The following TMED3 variants were observed in gnomAD, a reference collection of about 807,000 sequenced individuals.
TMED3 encodes the protein transmembrane p24 trafficking protein 3, also known as transmembrane emp24 domain-containing protein 3.
Under a neutral mutation model 15.0 loss-of-function variants are expected in TMED3, and 9 were observed. That is an observed-to-expected ratio of 0.60 (90% CI 0.36 to 1.04). TMED3 has a LOEUF of 1.04. TMED3 is among the 50% of genes least tolerant of loss of function. TMED3 has a pLI of 0.01. For missense variants in TMED3, 267 were observed against 278.9 expected, an observed-to-expected ratio of 0.96 and a Z score of 0.30; for synonymous variants, 117 against 121.4, an observed-to-expected ratio of 0.96 and a Z score of 0.24.
At position 79,353,497 on chromosome 15, in the gene TMED3, A is replaced by G. The variant is rs1042778205; in HGVS notation, c.417+39492A>G. ...AAAAAAGGTCCCAATGACTATGGCA[A>G]CAAAATTTTATATATTTTCCCACTA... On this transcript the variant is annotated intron_variant, in intron 2 of 2. Transcript: ENST00000424155. Among the ~76,000 whole-genome samples the G allele has an allele frequency of 4.9e-3, 226 of 46,592 alleles. 1 individual carries two copies. The highest frequency in any genetic ancestry group is 0.021 in the African/African-American group (214 of 10,060). 30.6% of individuals were successfully genotyped at this position (46,592 alleles called of 152,430 possible). A position where few individuals can be genotyped will look rare whatever the true frequency, so the allele number is the denominator to read the frequency against.
At chr15:79,347,443 A>G (rs2058875093) in intron 2 of TMED3, among the ~76,000 whole-genome samples, 1 of 152,186 alleles carries the variant, frequency 6.6e-6, no homozygotes, top group Admixed American at 6.6e-5. Flanking sequence ...TGGGCAGAAG[A>G]TGGAAGGATT....
At chr15:79,359,237 T>TG (rs997607997) in intron 2 of TMED3, among the ~76,000 whole-genome samples, 9 of 149,770 alleles carry the variant, frequency 6.0e-5, no homozygotes, top group African/African-American at 1.2e-4. Flanking sequence ...TCAGTTTTTT[T>TG]TTTTTTTTTT....
chr15:79,409,294 T>A (rs1893941006), intron 2 of TMED3, among the ~76,000 whole-genome samples: 1 of 152,172 alleles, frequency 6.6e-6, no homozygotes. Context: ...AGATATTCAG[T>A]GCCAATCTTC....
At chr15:79,408,629 A>G (rs1893931873) in intron 2 of TMED3, among the ~76,000 whole-genome samples, 1 of 152,178 alleles carries the variant, frequency 6.6e-6, no homozygotes, top group African/African-American at 2.4e-5. Flanking sequence ...GGGAGAACTC[A>G]GAGAGAATGG....
intron 2 of TMED3, among the ~76,000 whole-genome samples, chr15:79,339,751 ATAG>A (rs923243079): frequency 1.1e-4 from 16 of 151,042 alleles, no homozygotes; most frequent in African/African-American, 2.9e-4. Context: ...CATGATGGTG[ATAG>A]TGGTGATTAT....
intron 2 of TMED3, among the ~76,000 whole-genome samples, chr15:79,399,014 G>A (rs1020590622): frequency 2.0e-5 from 3 of 152,126 alleles, no homozygotes; most frequent in Non-Finnish European, 4.4e-5. Flanking sequence ...GGGTTCAAGC[G>A]ATTCTCATGC....
downstream of TMED3, among the ~76,000 whole-genome samples, chr15:79,325,035 G>C (rs182449310): frequency 2.3e-4 from 35 of 152,276 alleles, no homozygotes; most frequent in African/African-American, 8.2e-4. Flanking sequence ...TTAAATTTGA[G>C]GCCTGGGTGG....
At chr15:79,361,359 C>T (rs1893124934) in intron 2 of TMED3, among the ~76,000 whole-genome samples, 4 of 152,306 alleles carry the variant, frequency 2.6e-5, no homozygotes, top group Admixed American at 2.6e-4. Flanking sequence ...TTTTATTTTA[C>T]ATTTTAAAAC....
rs115587804 is a variant in TMED3 at position 79,319,910 on chromosome 15, C to T, written c.418-2068C>T. On this transcript the variant is annotated intron_variant, in intron 2 of 2. Coordinates refer to ENST00000299705, the MANE Select transcript of TMED3 (RefSeq NM_007364.4). ...AAAAGCCCAGGTACACAGGATGGAACATGAAAGAAGACTAGGAGTGTGACC... is the reference window on the plus strand; with the variant it reads ...AAAAGCCCAGGTACACAGGATGGAATATGAAAGAAGACTAGGAGTGTGACC... Among the ~76,000 whole-genome samples, 938 of 152,310 alleles carry T rather than the reference C, an allele frequency of 6.2e-3. 7 individuals carry two copies. The highest frequency in any genetic ancestry group is 0.021 in the African/African-American group (880 of 41,560).
At chr15:79,353,201 A>T (rs180991747) in intron 2 of TMED3, among the ~76,000 whole-genome samples, 10 of 83,020 alleles carry the variant, frequency 1.2e-4, no homozygotes, top group South Asian at 3.1e-4. Context: ...ATAATATATA[A>T]AATATATATT....
At chr15:79,332,217 A>G (rs4488417) in intron 2 of TMED3, among the ~76,000 whole-genome samples, 27,426 of 152,276 alleles carry the variant, frequency 0.18, 2,470 homozygotes, top group Admixed American at 0.24. Flanking sequence ...AAAGGAACCA[A>G]TGGAGGGAAT....
chr15:79,313,793 G>A lies in TMED3; in HGVS notation c.205G>A (p.Val69Ile). ...AGGCCACTACGATGTTGACTGCTAT[G>A]TAGAGGACCCCCAGGGGAACACCAT... is the stretch of plus-strand genomic sequence containing the variant. ...TGGHYDVDCY[V>I]EDPQGNTIYR... The change falls in exon 2 of 3, where the codon GTA becomes ATA. Residue 69 changes from valine (V) to isoleucine (I), a missense_variant. Val to Ile is a conservative substitution (Grantham distance 29, BLOSUM62 3). Transcript: ENST00000299705. 2.5e-6 allele frequency: 4 copies of A among 1,614,218 alleles called. No homozygotes were observed. The highest frequency in any genetic ancestry group is 1.1e-5 in the South Asian group (1 of 91,084).
At chr15:79,342,058 G>A (rs1474213610) in intron 2 of TMED3, among the ~76,000 whole-genome samples, 3 of 152,138 alleles carry the variant, frequency 2.0e-5, no homozygotes, top group African/African-American at 4.8e-5. Context: ...AAACGTGGAT[G>A]GGGGCAGATG....
chr15:79,314,233 A>G (rs969984795), intron 2 of TMED3, among the ~76,000 whole-genome samples: 3 of 152,158 alleles, frequency 2.0e-5, no homozygotes, highest in Non-Finnish European at 2.9e-5. Flanking sequence ...TTCCTCTGAC[A>G]TTCCTGTCTC....
At chr15:79,382,937 G>C (rs952380953) in intron 2 of TMED3, 7 of 1,534,036 alleles carry the variant, frequency 4.6e-6, no homozygotes, top group Non-Finnish European at 6.1e-6. Flanking sequence ...TCAATTACAA[G>C]GGCATAAACA....
intron 2 of TMED3, among the ~76,000 whole-genome samples, chr15:79,353,905 A>G (rs1383088367): frequency 6.6e-6 from 1 of 152,266 alleles, no homozygotes; most frequent in South Asian, 2.1e-4. Context: ...CTCAGGGAGA[A>G]CCAAGTGACC....
chr15:79,366,436 C>T (rs948749191), intron 2 of TMED3, among the ~76,000 whole-genome samples: 1 of 152,234 alleles, frequency 6.6e-6, no homozygotes, highest in East Asian at 1.9e-4. Flanking sequence ...AGTCACCGCT[C>T]ATCCGCAACA....
chr15:79,347,908 T>C lies in TMED3; in HGVS notation c.417+33903T>C, dbSNP rs115213619. ...TGACACAGAAAAAGGGAAAAAACTC[T>C]TATACCCAAAAAAGCATATCATTTT... is the stretch of plus-strand genomic sequence containing the variant. On this transcript the variant is annotated intron_variant, in intron 2 of 2. Coordinates refer to the TMED3 transcript ENST00000424155. 5.2e-3 allele frequency among the ~76,000 whole-genome samples: 791 copies of C among 152,180 alleles called. 6 individuals carry two copies. Among genetic ancestry groups the C allele is most frequent in the African/African-American group, 0.018 (765 of 41,520 alleles).
chr15:79,322,595 G>T lies in TMED3; in HGVS notation c.*381G>T. On this transcript the variant is annotated 3_prime_UTR_variant, in exon 3 of 3. Transcript: ENST00000299705. The stretch of plus-strand genomic sequence containing the variant: ...TCATGATGCATGGGTCATTTGTCTT[G>T]GGTGTCCTATCCCATATGGAGAAGA... The T allele has an allele frequency of 9.7e-7, 1 of 1,030,590 alleles. No individual in the cohort carries two copies. The highest frequency in any genetic ancestry group is 1.2e-6 in the Non-Finnish European group (1 of 859,946). 63.8% of individuals were successfully genotyped at this position (1,030,590 alleles called of 1,614,324 possible).
Sources: gnomAD v4.1 joint callset for allele counts (sites outside exome capture counted in the v4.1 genomes callset) on GRCh38, gnomAD v4.1.1 for gene constraint, MANE v1.5 for transcripts, NCBI Gene and HGNC (gene_info 2026-07-23, HGNC 2026-07-21) for gene names.